The following BIRC6 variants were observed in gnomAD, a reference collection of about 807,000 sequenced individuals.
BIRC6 encodes the protein dual E2 ubiquitin-conjugating enzyme/E3 ubiquitin-protein ligase BIRC6.
In BIRC6, 98 loss-of-function variants were observed where a neutral mutation model predicts 503.3. The ratio of observed to expected loss-of-function variants is 0.19; its 90% CI spans 0.17 to 0.23. The LOEUF (loss-of-function observed/expected upper bound fraction) is 0.23, where lower values mean the gene tolerates loss of function less well. BIRC6 is among the 10% of genes least tolerant of loss of function. The pLI is 1.00. For missense variants in BIRC6, 5,360 were observed against 5,806.0 expected (o/e 0.92, Z 2.50); for synonymous variants, 2,240 against 2,078.7 (o/e 1.08, Z -2.11).
chr2:32,565,196 A>G (rs2059451878), intron 65 of BIRC6: 1 of 152,184 alleles, frequency 6.6e-6, no homozygotes, highest in Non-Finnish European at 1.5e-5. Context: ...CTACTAATTA[A>G]ATGTTTTAGA....
chr2:32,549,336 C>T lies in BIRC6; in HGVS notation c.12999C>T (p.Pro4333=), dbSNP rs749104413. 14 of 1,466,580 alleles carry T rather than the reference C, an allele frequency of 9.5e-6. No homozygotes were observed. The African/African-American group carries it at 9.7e-5, about 10-fold the overall frequency. 90.8% of individuals were successfully genotyped at this position (1,466,580 alleles called of 1,614,324 possible). A position where few individuals can be genotyped will look rare whatever the true frequency, so the allele number is the denominator to read the frequency against. The part of the protein sequence containing the change: ...LLQVLASYIN[P]VSSAVNGEAQ... ...AGGTTCTTGCCAGTTACATAAATCC[C>T]GTCAGTAGTGCGGTAAATGGAGAAG... Residue 4333 remains proline (P), a synonymous_variant, in exon 65 of 74, where the codon CCC becomes CCT. Transcript: ENST00000421745.
At chr2:32,384,066 C>T (rs2038089234) in intron 3 of BIRC6, among the ~76,000 whole-genome samples, 1 of 152,194 alleles carries the variant, frequency 6.6e-6, no homozygotes, top group Admixed American at 6.5e-5. Flanking sequence ...TCTCAACACC[C>T]ACTTCAATGG....
At chr2:32,602,942 G>A (rs189549438) in intron 70 of BIRC6, 64 bp from the exon 71 acceptor site, 53 of 1,388,668 alleles carry the variant, frequency 3.8e-5, no homozygotes, top group African/African-American at 1.3e-4. Context: ...TTTACTTCTC[G>A]TTATGACAGT....
chr2:32,426,438 A>G (rs1357038906), intron 10 of BIRC6, among the ~76,000 whole-genome samples: 2 of 152,066 alleles, frequency 1.3e-5, no homozygotes, highest in Non-Finnish European at 2.9e-5. Context: ...CCCTGTCTCT[A>G]CTAAAAATAC....
At chr2:32,382,678 T>C (rs1177313269) in intron 3 of BIRC6, among the ~76,000 whole-genome samples, 1 of 152,240 alleles carries the variant, frequency 6.6e-6, no homozygotes, top group African/African-American at 2.4e-5. Flanking sequence ...ATTCACACTT[T>C]ATATATTTGA....
intron 1 of BIRC6, among the ~76,000 whole-genome samples, chr2:32,369,941 AAAAAATATAT>A (rs1290227032): frequency 3.3e-4 from 15 of 46,032 alleles, no homozygotes; most frequent in African/African-American, 1.8e-3. Flanking sequence ...AAAAAAAAAA[AAAAAATATAT>A]ATATATATAT....
chr2:32,566,756 T>C (rs1363118680), intron 65 of BIRC6, among the ~76,000 whole-genome samples: 1 of 152,206 alleles, frequency 6.6e-6, no homozygotes, highest in African/African-American at 2.4e-5. Flanking sequence ...AGCATAGATA[T>C]TTTCATCATA....
chr2:32,572,783 C>T (rs1249336872), intron 65 of BIRC6, among the ~76,000 whole-genome samples: 1 of 152,210 alleles, frequency 6.6e-6, no homozygotes, highest in Non-Finnish European at 1.5e-5. Context: ...ACCCTGTCCT[C>T]TGCATCATCA....
At chr2:32,456,726 T>G (rs2047304110) in intron 23 of BIRC6, among the ~76,000 whole-genome samples, 1 of 152,194 alleles carries the variant, frequency 6.6e-6, no homozygotes, top group Non-Finnish European at 1.5e-5. Context: ...TATATCCTTT[T>G]GGTCAAGTTT....
chr2:32,580,931 G>T (rs1378647135), intron 66 of BIRC6, among the ~76,000 whole-genome samples: 2 of 152,126 alleles, frequency 1.3e-5, no homozygotes, highest in Admixed American at 6.6e-5. Flanking sequence ...TATCTCTAGG[G>T]ATCTCCTTCA....
intron 65 of BIRC6, among the ~76,000 whole-genome samples, chr2:32,561,957 G>A (rs964183983): frequency 1.3e-5 from 2 of 151,852 alleles, no homozygotes; most frequent in Non-Finnish European, 2.9e-5. Context: ...CAGGAGAATT[G>A]GTTGAACCCG....
intron 66 of BIRC6, among the ~76,000 whole-genome samples, chr2:32,590,437 G>A (rs930729464): frequency 6.6e-6 from 1 of 152,180 alleles, no homozygotes; most frequent in Admixed American, 6.6e-5. Flanking sequence ...GGAGTGCAAA[G>A]GGTTAAAGGG....
At chr2:32,576,415 C>T (rs1039664439) in intron 66 of BIRC6, among the ~76,000 whole-genome samples, 1 of 152,142 alleles carries the variant, frequency 6.6e-6, no homozygotes, top group Non-Finnish European at 1.5e-5. Flanking sequence ...TGACCTTTTC[C>T]TTTCTCATGG....
intron 66 of BIRC6, among the ~76,000 whole-genome samples, chr2:32,593,645 G>A (rs1297344036): frequency 7.2e-5 from 11 of 152,082 alleles, no homozygotes; most frequent in Admixed American, 7.2e-4. Context: ...ATAATTATGT[G>A]TGTTTTTAAA....
intron 3 of BIRC6, among the ~76,000 whole-genome samples, chr2:32,380,771 G>A (rs1573792674): frequency 6.6e-6 from 1 of 152,066 alleles, no homozygotes; most frequent in Non-Finnish European, 1.5e-5. Flanking sequence ...CTTCTTAATC[G>A]AAGCTTAACT....
chr2:32,498,075 T>G (rs2052696893), intron 45 of BIRC6, among the ~76,000 whole-genome samples: 1 of 152,238 alleles, frequency 6.6e-6, no homozygotes, highest in African/African-American at 2.4e-5. Flanking sequence ...TTATTTATTT[T>G]TGAGACAGTG....
chr2:32,578,798 CA>C (rs2060441641), intron 66 of BIRC6, among the ~76,000 whole-genome samples: 1 of 150,502 alleles, frequency 6.6e-6, no homozygotes, highest in African/African-American at 2.5e-5. Context: ...AACTCTGTCT[CA>C]AAAAATACAT....
intron 23 of BIRC6, among the ~76,000 whole-genome samples, chr2:32,457,572 A>G (rs1269115368): frequency 1.3e-5 from 2 of 152,162 alleles, no homozygotes; most frequent in Non-Finnish European, 2.9e-5. Context: ...CTCATAATCC[A>G]GATTATATAG....
At chr2:32,460,203 ATATATGATATATATATATCT>A (rs2047683586) in intron 23 of BIRC6, among the ~76,000 whole-genome samples, 1 of 129,582 alleles carries the variant, frequency 7.7e-6, no homozygotes, top group Admixed American at 8.6e-5. Flanking sequence ...GATATATATC[ATATATGATATATATATATCT>A]CATATGATAT....
Sources: allele counts gnomAD v4.1 joint callset (sites outside exome capture counted in the v4.1 genomes callset), GRCh38; gene constraint gnomAD v4.1.1; transcripts MANE v1.5; gene names NCBI Gene and HGNC (gene_info 2026-07-23, HGNC 2026-07-21).